GALNT18: variants seen among roughly 807,000 people sequenced by gnomAD.
GALNT18 encodes GalNAc-transferase 18.
In GALNT18, 44 loss-of-function variants were observed where a neutral mutation model predicts 69.5. That is an observed-to-expected ratio of 0.63 (90% CI 0.50 to 0.81). The LOEUF (loss-of-function observed/expected upper bound fraction) is 0.81. Ranked by LOEUF, GALNT18 falls within the 40% of genes least tolerant of loss-of-function variation. The probability of loss-of-function intolerance (pLI) is 0.00; values close to 1 mark genes in which losing one functional copy is unlikely to be tolerated. For missense variants in GALNT18, 715 were observed against 810.0 expected (o/e 0.88, Z 1.42); for synonymous variants, 364 against 318.2 (o/e 1.14, Z -1.53).
rs1213374580 is a variant in GALNT18 at position 11,439,490 on chromosome 11, TC to T, written c.429-6704del. Among the ~76,000 whole-genome samples, 1 of 152,178 alleles carries T rather than the reference TC, an allele frequency of 6.6e-6. No homozygotes were observed. The highest frequency in any genetic ancestry group is 2.4e-5 in the African/African-American group (1 of 41,448). On this transcript the variant is annotated intron_variant, in intron 2 of 10. Coordinates refer to ENST00000227756, the MANE Select transcript of GALNT18 (RefSeq NM_198516.3). The surrounding 1 kb of genome is among the most constrained non-coding windows in gnomAD (Gnocchi z 4.4). The stretch of plus-strand genomic sequence containing the variant: ...ATTCCCTTCCTGGGCTGGAGTCCAG[TC>T]CCCTGTGAGACTCTCACAGATTCTG...
At chr11:11,359,581 G>C (rs1465069538) in intron 6 of GALNT18, among the ~76,000 whole-genome samples, 2 of 152,098 alleles carry the variant, frequency 1.3e-5, no homozygotes, top group African/African-American at 2.4e-5. Context: ...GCCCTCCACT[G>C]TTACCCCTCC....
intron 3 of GALNT18, among the ~76,000 whole-genome samples, chr11:11,388,569 G>A (rs983070312): frequency 8.9e-6 from 1 of 112,064 alleles, no homozygotes; most frequent in Non-Finnish European, 1.9e-5. Context: ...TTCCACCATT[G>A]CTGATTTCAG....
intron 1 of GALNT18, among the ~76,000 whole-genome samples, chr11:11,588,466 G>A (rs7118973): frequency 0.043 from 6,506 of 152,228 alleles, 450 homozygotes; most frequent in African/African-American, 0.15. Context: ...CCTGTGAAGC[G>A]AGTCAATTCT....
In GALNT18 at chr11:11,314,382, CT is replaced by C. The variant is rs34880146; in HGVS notation, c.1512+12703del. 0.86 allele frequency among the ~76,000 whole-genome samples: 127,851 copies of C among 148,814 alleles called. 54,774 individuals are homozygous for C. The highest frequency in any genetic ancestry group is 0.89 in the South Asian group (4,160 of 4,684). ...GAATGAATAACAAATCAAGCAGCTC[CT>C]TTTTTTTTTTTTAGCATGGAAGCTG... On this transcript the variant is annotated intron_variant, in intron 9 of 10. Coordinates refer to ENST00000227756, the MANE Select transcript of GALNT18 (RefSeq NM_198516.3). This position sits in a 1 kb window ranked among gnomAD's most constrained non-coding sequence, Gnocchi z 5.2.
At position 11,500,064 on chromosome 11, in the gene GALNT18, G is replaced by A. The variant is rs1856943773; in HGVS notation, c.236-51128C>T. 6.6e-6 allele frequency among the ~76,000 whole-genome samples: 1 copy of A among 152,174 alleles called. No homozygotes were observed. The highest frequency in any genetic ancestry group is 1.5e-5 in the Non-Finnish European group (1 of 68,030). On this transcript the variant is annotated intron_variant, in intron 1 of 10. Transcript: ENST00000227756. This position sits in a 1 kb window ranked among gnomAD's most constrained non-coding sequence, Gnocchi z 5.0. Reference sequence around the variant, plus strand: ...AAAGGGAGCAAAATCAAAAAGAGAGGCCAAGCATTGTTGAAACATGGCATC... The same window carrying A: ...AAAGGGAGCAAAATCAAAAAGAGAGACCAAGCATTGTTGAAACATGGCATC...
At chr11:11,385,149 C>CT (rs1854018000) in intron 3 of GALNT18, among the ~76,000 whole-genome samples, 1 of 151,960 alleles carries the variant, frequency 6.6e-6, no homozygotes, top group South Asian at 2.1e-4. Context: ...GCACCAGGCT[C>CT]TTTATATCAG....
At chr11:11,551,070 A>G (rs1858175438) in intron 1 of GALNT18, among the ~76,000 whole-genome samples, 1 of 142,576 alleles carries the variant, frequency 7.0e-6, no homozygotes, top group African/African-American at 2.5e-5. Flanking sequence ...ATAAAACTGA[A>G]ACTCTATACG....
rs777421199 is a variant in GALNT18, at chr11:11,448,946, G to C, written c.236-10C>G. 1.9e-6 allele frequency: 3 copies of C among 1,569,260 alleles called. No individual in the cohort carries two copies. Among genetic ancestry groups the C allele is most frequent in the Non-Finnish European group, 2.6e-6 (3 of 1,158,926 alleles). ...GGCTTGGCAGGAGCCTCTGGAGAAA[G>C]AAGGAACAGGAGACAGTGGGTCAGA... On this transcript the variant is annotated splice_polypyrimidine_tract_variant and intron_variant, in intron 1 of 10. Coordinates refer to ENST00000227756, the MANE Select transcript of GALNT18 (RefSeq NM_198516.3).
intron 3 of GALNT18, among the ~76,000 whole-genome samples, chr11:11,416,011 T>C (rs1350430445): frequency 2.0e-5 from 3 of 152,216 alleles, no homozygotes; most frequent in Admixed American, 2.0e-4. Context: ...GCAGCCCTGG[T>C]CAGGAACACT....
chr11:11,321,078 G>T (rs1179271176), intron 9 of GALNT18, among the ~76,000 whole-genome samples: 2 of 152,158 alleles, frequency 1.3e-5, no homozygotes, highest in East Asian at 3.8e-4. Flanking sequence ...ATTTACAAAG[G>T]CAGCTCCCAG....
In GALNT18 at chr11:11,340,291, T is replaced by TC. The variant is rs60403186; in HGVS notation, c.1278+527dup. 3.9e-5 allele frequency among the ~76,000 whole-genome samples: 6 copies of TC among 151,908 alleles called. No individual in the cohort carries two copies. The highest frequency in any genetic ancestry group is 9.7e-5 in the African/African-American group (4 of 41,406). ...ATGATGAGGCTCTGTGAAGGTTAAC[T>TC]CCATCTCCTAGTGAAGGTCCCTGTA... On this transcript the variant is annotated intron_variant, in intron 7 of 10. Transcript: ENST00000227756. The surrounding 1 kb of genome is among the most constrained non-coding windows in gnomAD (Gnocchi z 4.2).
At chr11:11,579,287 G>C (rs1023415393) in intron 1 of GALNT18, among the ~76,000 whole-genome samples, 2 of 152,132 alleles carry the variant, frequency 1.3e-5, no homozygotes, top group African/African-American at 4.8e-5. Flanking sequence ...GCCCTGAGTC[G>C]AGCCCCACCT....
At position 11,454,318 on chromosome 11, in the gene GALNT18, C is replaced by A. The variant is rs993080399; in HGVS notation, c.236-5382G>T. Among the ~76,000 whole-genome samples, 1 of 152,140 alleles carries A rather than the reference C, an allele frequency of 6.6e-6. No individual in the cohort carries two copies. The highest frequency in any genetic ancestry group is 2.4e-5 in the African/African-American group (1 of 41,434). ...GCTTCTCAGGTAGTTCCACAAAATA[C>A]GGTCAGTGGTAAGCAATCTCCACTG... On this transcript the variant is annotated intron_variant, in intron 1 of 10. Transcript: ENST00000227756. This position sits in a 1 kb window ranked among gnomAD's most constrained non-coding sequence, Gnocchi z 4.2.
chr11:11,592,330 T>C lies in GALNT18; in HGVS notation c.235+29029A>G, dbSNP rs150483076. 3.3e-3 allele frequency among the ~76,000 whole-genome samples: 499 copies of C among 152,342 alleles called. 2 individuals are homozygous for C. The highest frequency in any genetic ancestry group is 4.5e-3 in the Non-Finnish European group (304 of 68,034). ...AAAATCAAAGATGTTTCCCACACATTGTCCAGCAGACAAAAACATATTGAC... is the reference window on the plus strand; with the variant it reads ...AAAATCAAAGATGTTTCCCACACATCGTCCAGCAGACAAAAACATATTGAC... On this transcript the variant is annotated intron_variant, in intron 1 of 10. Transcript: ENST00000227756. The surrounding 1 kb of genome is among the most constrained non-coding windows in gnomAD (Gnocchi z 5.9).
At chr11:11,482,352 T>C (rs1856549756) in intron 1 of GALNT18, among the ~76,000 whole-genome samples, 1 of 152,236 alleles carries the variant, frequency 6.6e-6, no homozygotes, top group African/African-American at 2.4e-5. Flanking sequence ...CAAGGCCCCA[T>C]TTATGAAAGC....
chr11:11,535,484 T>C (rs1857753191), intron 1 of GALNT18, among the ~76,000 whole-genome samples: 1 of 152,230 alleles, frequency 6.6e-6, no homozygotes, highest in African/African-American at 2.4e-5. Context: ...GTGCTGCCCT[T>C]ATTGTCCATG....
intron 6 of GALNT18, chr11:11,353,119 T>C (rs1463332181): frequency 5.6e-6 from 9 of 1,613,982 alleles, no homozygotes; most frequent in Non-Finnish European, 6.8e-6. Context: ...GGTCCCGACA[T>C]GTCAGACAGG....
intron 2 of GALNT18, among the ~76,000 whole-genome samples, chr11:11,447,231 ACCCTCATGG>A (rs1045351298): frequency 6.6e-6 from 1 of 151,880 alleles, no homozygotes; most frequent in African/African-American, 2.4e-5. Flanking sequence ...CTCCAACAGT[ACCCTCATGG>A]CTTGCTTCCT....
intron 3 of GALNT18, among the ~76,000 whole-genome samples, chr11:11,409,610 C>G (rs1854681458): frequency 6.6e-6 from 1 of 151,326 alleles, no homozygotes; most frequent in South Asian, 2.1e-4. Flanking sequence ...CCCACCCCAG[C>G]TCCATGCTCT....
Sources: gnomAD v4.1 joint callset for allele counts (sites outside exome capture counted in the v4.1 genomes callset) on GRCh38, gnomAD v4.1.1 for gene constraint, Gnocchi (gnomAD v3.1) non-coding constraint, MANE v1.5 for transcripts, NCBI Gene and HGNC (gene_info 2026-07-23, HGNC 2026-07-21) for gene names.